Variants in GINS1 observed in about 807,000 individuals in gnomAD.
The protein encoded by GINS1 is DNA replication complex GINS protein PSF1.
In GINS1, 26 loss-of-function variants were observed where a neutral mutation model predicts 34.9. The ratio of observed to expected loss-of-function variants is 0.74; its 90% CI spans 0.55 to 1.03. The LOEUF (loss-of-function observed/expected upper bound fraction) is 1.03, where lower values mean the gene tolerates loss of function less well. Ranked by LOEUF, GINS1 falls within the 50% of genes least tolerant of loss-of-function variation. The pLI is 0.00. For missense variants in GINS1, 235 were observed against 237.9 expected (o/e 0.99, Z 0.08); for synonymous variants, 97 against 84.4 (o/e 1.15, Z -0.82).
intron 4 of GINS1, among the ~76,000 whole-genome samples, chr20:25,418,552 G>T (rs1600924145): frequency 6.6e-6 from 1 of 152,178 alleles, no homozygotes; most frequent in East Asian, 1.9e-4. Context: ...CTGAGGCAAA[G>T]AACTAGCCCA....
chr20:25,423,301 G>A (rs1278024532), intron 4 of GINS1, among the ~76,000 whole-genome samples: 2 of 150,964 alleles, frequency 1.3e-5, no homozygotes, highest in African/African-American at 4.9e-5. Context: ...ATTAGTGGAG[G>A]TGGGGTTTCA....
At chr20:25,419,229 A>C (rs1782509429) in intron 4 of GINS1, among the ~76,000 whole-genome samples, 1 of 152,214 alleles carries the variant, frequency 6.6e-6, no homozygotes, top group South Asian at 2.1e-4. Context: ...ACTACATTAC[A>C]GTTGCATAGC....
At chr20:25,429,567 T>C (rs1418193096) in intron 5 of GINS1, among the ~76,000 whole-genome samples, 1 of 152,134 alleles carries the variant, frequency 6.6e-6, no homozygotes, top group South Asian at 2.1e-4. Flanking sequence ...ATATATTTTA[T>C]TCTTTTCGCA....
chr20:25,435,728 G>A (rs1397568540), intron 5 of GINS1, among the ~76,000 whole-genome samples: 23 of 125,698 alleles, frequency 1.8e-4, no homozygotes, highest in Non-Finnish European at 2.2e-4. Flanking sequence ...TCACACCACT[G>A]CACTCCAGCA....
intron 4 of GINS1, chr20:25,419,679 T>C: frequency 1.7e-6 from 1 of 580,740 alleles, no homozygotes; most frequent in Non-Finnish European, 2.6e-6. Context: ...TGTGTATTTT[T>C]TGAGATGGAA....
At chr20:25,437,238 G>A (rs547891857) in intron 5 of GINS1, among the ~76,000 whole-genome samples, 1 of 152,370 alleles carries the variant, frequency 6.6e-6, no homozygotes, top group South Asian at 2.1e-4. Flanking sequence ...TGCGGGAGGG[G>A]CTTGCAGCCT....
intron 4 of GINS1, among the ~76,000 whole-genome samples, chr20:25,418,464 T>C (rs553309135): frequency 6.2e-4 from 95 of 152,348 alleles, no homozygotes; most frequent in African/African-American, 2.2e-3. Flanking sequence ...AAACTGGCAT[T>C]ATTATTTGGT....
In GINS1 at chr20:25,425,373, G is replaced by A. The variant is rs772329018; in HGVS notation, c.447+46G>A. 7.5e-6 allele frequency: 6 copies of A among 796,246 alleles called. No homozygotes were observed. In the East Asian group the frequency reaches 1.5e-4, roughly 19 times the overall value. The allele number at this position is 796,246 out of a possible 1,614,324, so 49.3% of individuals were successfully genotyped here. ...TGCATTTTTCTTTAATGTGTAAATT[G>A]TGCTACCTTTTAAGAAGAGAGGAGT... On this transcript the variant is annotated intron_variant, in intron 5 of 6. Coordinates refer to ENST00000262460, the MANE Select transcript of GINS1 (RefSeq NM_021067.5).
At chr20:25,444,356 G>A (rs2090499762) in intron 6 of GINS1, among the ~76,000 whole-genome samples, 1 of 152,064 alleles carries the variant, frequency 6.6e-6, no homozygotes, top group African/African-American at 2.4e-5. Context: ...TTGTCACTAT[G>A]GCAAGCACTG....
chr20:25,415,083 C>G lies in GINS1; in HGVS notation c.140+1229C>G, dbSNP rs113146351. Among the ~76,000 whole-genome samples, 1,095 of 152,302 alleles carry G rather than the reference C, an allele frequency of 7.2e-3. 7 individuals carry two copies. The highest frequency in any genetic ancestry group is 0.02 in the Middle Eastern group (6 of 294). On this transcript the variant is annotated intron_variant, in intron 2 of 6. Transcript: ENST00000262460. ...AACTGTCTGTGACATGAGGTTTCCT[C>G]TTTGGGCTTGTTCGCTACAGTGTTT...
intron 5 of GINS1, 65 bp downstream of exon 5, chr20:25,425,392 G>A (rs1600930871): frequency 1.4e-6 from 1 of 735,074 alleles, no homozygotes; most frequent in South Asian, 1.6e-5. Flanking sequence ...TTTAAGAAGA[G>A]AGGAGTATAT....
At chr20:25,423,452 C>CTTTTCTT (rs1568802527) in intron 4 of GINS1, among the ~76,000 whole-genome samples, 5 of 29,992 alleles carry the variant, frequency 1.7e-4, no homozygotes, top group South Asian at 2.4e-3. Flanking sequence ...TTTTTCTTTT[C>CTTTTCTT]TTTTTTTTTT....
At chr20:25,435,352 G>A (rs915228936) in intron 5 of GINS1, among the ~76,000 whole-genome samples, 20 of 152,206 alleles carry the variant, frequency 1.3e-4, no homozygotes, top group South Asian at 8.3e-4. Flanking sequence ...AGGATAAACC[G>A]CAGTGGCACA....
intron 1 of GINS1, chr20:25,409,126 C>G (rs2090267215): frequency 1.5e-6 from 1 of 655,924 alleles, no homozygotes; most frequent in South Asian, 6.8e-5. Context: ...CGTGGTCACA[C>G]TGGAGAGGGT....
chr20:25,429,974 A>G (rs573374990), intron 5 of GINS1, among the ~76,000 whole-genome samples: 6 of 152,256 alleles, frequency 3.9e-5, no homozygotes, highest in African/African-American at 1.4e-4. Flanking sequence ...GTGCAGTGGC[A>G]CAATCTCAGC....
intron 1 of GINS1, among the ~76,000 whole-genome samples, chr20:25,409,965 A>G (rs2090273263): frequency 2.0e-5 from 3 of 152,204 alleles, no homozygotes. Flanking sequence ...TGACTCTGAC[A>G]CTTAGTTTAG....
chr20:25,418,053 AC>A (rs2090332173), intron 3 of GINS1, 51 bp from the exon 4 acceptor site: 1 of 972,766 alleles, frequency 1.0e-6, no homozygotes, highest in South Asian at 1.3e-5. Flanking sequence ...TGAAGTCCAC[AC>A]GTGATCCCCC....
At chr20:25,441,330 T>A (rs1485765960) in intron 5 of GINS1, among the ~76,000 whole-genome samples, 1 of 152,188 alleles carries the variant, frequency 6.6e-6, no homozygotes, top group Non-Finnish European at 1.5e-5. Flanking sequence ...TCTCAGATAC[T>A]GATATTTTAT....
chr20:25,428,737 C>T (rs1193262483), intron 5 of GINS1, among the ~76,000 whole-genome samples: 7 of 151,952 alleles, frequency 4.6e-5, no homozygotes, highest in Admixed American at 6.6e-5. Flanking sequence ...ACTGCCCTTT[C>T]CCCATTGTGA....
Sources: gnomAD v4.1 joint callset for allele counts (sites outside exome capture counted in the v4.1 genomes callset) on GRCh38, gnomAD v4.1.1 for gene constraint, MANE v1.5 for transcripts, NCBI Gene and HGNC (gene_info 2026-07-23, HGNC 2026-07-21) for gene names.